Variants in DCLK2 observed in about 807,000 individuals in gnomAD.
The protein encoded by DCLK2 is serine/threonine-protein kinase DCLK2.
A neutral mutation model predicts 78.4 loss-of-function variants in DCLK2; 31 were observed. That is an observed-to-expected ratio of 0.40 (90% confidence interval 0.30 to 0.53). DCLK2 has a LOEUF of 0.53. Among genes scored for constraint, DCLK2 ranks in the 20% least tolerant of loss-of-function variants. The pLI, the probability that DCLK2 is intolerant of heterozygous loss-of-function variation, is 0.61. For missense variants in DCLK2, 872 were observed against 973.7 expected, an observed-to-expected ratio of 0.90 and a Z score of 1.39; for synonymous variants, 407 against 374.9, an observed-to-expected ratio of 1.09 and a Z score of -0.99.
intron 2 of DCLK2, among the ~76,000 whole-genome samples, chr4:150,148,910 G>A (rs1417840888): frequency 1.3e-5 from 2 of 151,830 alleles, no homozygotes; most frequent in Non-Finnish European, 2.9e-5. Context: ...GTGCATGCTT[G>A]TAGGCCTAGC....
Position 150,102,497 on chromosome 4 carries a change from A to C in DCLK2, c.441A>C (p.Ala147=), listed in dbSNP as rs148402600. 9.7e-4 allele frequency: 1,563 copies of C among 1,613,304 alleles called. 1 individual carries two copies. The highest frequency in any genetic ancestry group is 1.1e-3 in the Non-Finnish European group (1,334 of 1,179,340). Residue 147 remains alanine (A), a synonymous_variant, in exon 2 of 16, where the codon GCA becomes GCC. Transcript: ENST00000296550. Reference sequence around the variant, plus strand: ...TTTTAGGTGAGAGTTACGTGTGTGCATCCAATGAACCATTTCGTAAAGTCG... The same window carrying C: ...TTTTAGGTGAGAGTTACGTGTGTGCCTCCAATGAACCATTTCGTAAAGTCG... ...ELLEGESYVC[A]SNEPFRKVDY...
intron 2 of DCLK2, among the ~76,000 whole-genome samples, chr4:150,116,546 C>A (rs1297342344): frequency 6.6e-6 from 1 of 152,174 alleles, no homozygotes; most frequent in Non-Finnish European, 1.5e-5. Flanking sequence ...TCTAGCTACC[C>A]AGTGGGTACT....
intron 1 of DCLK2, among the ~76,000 whole-genome samples, chr4:150,096,812 T>A (rs1030252871): frequency 1.3e-5 from 2 of 152,174 alleles, no homozygotes; most frequent in African/African-American, 4.8e-5. Context: ...CTCCAGTGGC[T>A]TAAAAGCAAA....
In DCLK2 at chr4:150,221,596, A is replaced by G. The variant is rs72951529; in HGVS notation, c.1133-81A>G. 5,378 of 823,172 alleles carry G rather than the reference A, an allele frequency of 6.5e-3. 158 individuals carry two copies. The African/African-American group carries it at 0.069, about 11-fold the overall frequency. 51.0% of individuals were successfully genotyped at this position (823,172 alleles called of 1,614,324 possible). ...ATAGATTTAGAAATAAATGCATCGC[A>G]GTTTACTATTTTACAAATATGTAGG... On this transcript the variant is annotated intron_variant, in intron 6 of 15. Coordinates refer to ENST00000296550, the MANE Select transcript of DCLK2 (RefSeq NM_001040260.4).
rs1157989842 is a variant in DCLK2, at chr4:150,161,151, A to G, written c.757-31987A>G. ...GGACTGAAAGTTAGTCAATGAAGAT[A>G]TAGAAAACTTACTTTCAGGGTAAGT... On this transcript the variant is annotated intron_variant, in intron 2 of 15. Transcript: ENST00000296550. Among the ~76,000 whole-genome samples, 3 of 152,240 alleles carry G rather than the reference A, an allele frequency of 2.0e-5. No individual in the cohort carries two copies. The East Asian group carries it at 5.8e-4, about 29-fold the overall frequency.
chr4:150,115,046 A>G (rs1218367094), intron 2 of DCLK2, among the ~76,000 whole-genome samples: 1 of 152,122 alleles, frequency 6.6e-6, no homozygotes, highest in Non-Finnish European at 1.5e-5. Context: ...TGGCCATTTT[A>G]TATAATCCTG....
intron 2 of DCLK2, among the ~76,000 whole-genome samples, chr4:150,153,956 T>A (rs1024887782): frequency 3.4e-4 from 52 of 152,108 alleles, no homozygotes; most frequent in African/African-American, 1.3e-3. Context: ...TTCCATCCCT[T>A]CCACCAAGCA....
intron 15 of DCLK2, among the ~76,000 whole-genome samples, chr4:150,250,867 C>G (rs1441337201): frequency 8.9e-6 from 1 of 111,918 alleles, no homozygotes; most frequent in Non-Finnish European, 2.1e-5. Context: ...CCCACACCCC[C>G]AACATCCCCC....
At chr4:150,216,112 G>A (rs1740697539) in intron 5 of DCLK2, among the ~76,000 whole-genome samples, 1 of 152,188 alleles carries the variant, frequency 6.6e-6, no homozygotes, top group African/African-American at 2.4e-5. Flanking sequence ...TTTCAGAACA[G>A]AGAACAGTTC....
intron 2 of DCLK2, among the ~76,000 whole-genome samples, chr4:150,189,589 G>T (rs185183543): frequency 1.3e-5 from 2 of 152,272 alleles, no homozygotes; most frequent in Admixed American, 1.3e-4. Context: ...AACCTCGTGG[G>T]ATTGTTGTAG....
chr4:150,237,004 A>C (rs900433942), intron 10 of DCLK2, among the ~76,000 whole-genome samples: 2 of 152,252 alleles, frequency 1.3e-5, no homozygotes, highest in African/African-American at 4.8e-5. Context: ...ACCCCTAGGC[A>C]TCACTAAATG....
At chr4:150,136,979 C>CTTTTTTTTTTTTTTTTT (rs35729685) in intron 2 of DCLK2, among the ~76,000 whole-genome samples, 2 of 82,406 alleles carry the variant, frequency 2.4e-5, no homozygotes, top group African/African-American at 9.1e-5. Flanking sequence ...TCTTCTTCTT[C>CTTTTTTTTTTTTTTTTT]TTTTTTTTTT....
intron 2 of DCLK2, among the ~76,000 whole-genome samples, chr4:150,172,749 CT>C (rs573185570): frequency 7.6e-4 from 70 of 91,696 alleles, no homozygotes; most frequent in African/African-American, 2.5e-3. Flanking sequence ...AGAGAGTGTT[CT>C]TTTTTTTTTT....
intron 5 of DCLK2, among the ~76,000 whole-genome samples, chr4:150,208,697 C>A (rs548716878): frequency 1.6e-4 from 24 of 152,190 alleles, no homozygotes; most frequent in African/African-American, 5.3e-4. Context: ...TACCTGGTGA[C>A]AACTTTTCCT....
intron 10 of DCLK2, 32 bp from the exon 11 acceptor site, chr4:150,239,710 A>G (rs199596726): frequency 3.1e-5 from 50 of 1,607,400 alleles, no homozygotes; most frequent in Non-Finnish European, 4.2e-5. Flanking sequence ...GGAAAAAAAA[A>G]TCTTCTGATT....
rs1043023015 is a variant in DCLK2 at position 150,256,330 on chromosome 4, G to T, written c.*83G>T. The stretch of plus-strand genomic sequence containing the variant: ...GGCCTCGCCGGCCTCCCTGCTGCAG[G>T]CCTCCCTCTCTTCACCGCCTGCGCC... On this transcript the variant is annotated 3_prime_UTR_variant, in exon 16 of 16. Coordinates refer to ENST00000296550, the MANE Select transcript of DCLK2 (RefSeq NM_001040260.4). 2.0e-5 allele frequency: 29 copies of T among 1,436,022 alleles called. No homozygotes were observed. Among genetic ancestry groups the T allele is most frequent in the Admixed American group, 1.4e-4 (5 of 35,214 alleles). The allele number at this position is 1,436,022 out of a possible 1,614,324, so 89.0% of individuals were successfully genotyped here. A position where few individuals can be genotyped will look rare whatever the true frequency, so the allele number is the denominator to read the frequency against.
chr4:150,156,953 A>G (rs909811717), intron 2 of DCLK2, among the ~76,000 whole-genome samples: 3 of 151,342 alleles, frequency 2.0e-5, no homozygotes, highest in South Asian at 2.1e-4. Flanking sequence ...TATTTTTTGT[A>G]GAGACAAGGT....
At chr4:150,214,816 G>A (rs1347688593) in intron 5 of DCLK2, among the ~76,000 whole-genome samples, 2 of 151,980 alleles carry the variant, frequency 1.3e-5, no homozygotes, top group Non-Finnish European at 2.9e-5. Flanking sequence ...ACAAAAATTA[G>A]CCAGGCGTGG....
intron 8 of DCLK2, 46 bp from the exon 9 acceptor site, chr4:150,232,291 G>C: frequency 6.3e-7 from 1 of 1,596,924 alleles, no homozygotes; most frequent in South Asian, 1.1e-5. Flanking sequence ...CGAGAGCAGA[G>C]GGTTCTGTGA....
Sources: gnomAD v4.1 joint callset for allele counts (sites outside exome capture counted in the v4.1 genomes callset) on GRCh38, gnomAD v4.1.1 for gene constraint, MANE v1.5 for transcripts, NCBI Gene and HGNC (gene_info 2026-07-23, HGNC 2026-07-21) for gene names.